MBNL1: variants seen among roughly 807,000 people sequenced by gnomAD.
The protein encoded by MBNL1 is muscleblind like splicing regulator 1.
In MBNL1, 8 loss-of-function variants were observed where a neutral mutation model predicts 42.2. The ratio of observed to expected loss-of-function variants is 0.19; its 90% confidence interval spans 0.11 to 0.34. The LOEUF is 0.34. Ranked by LOEUF, MBNL1 falls within the 10% of genes least tolerant of loss-of-function variation. MBNL1 has a pLI of 1.00. For synonymous variants in MBNL1, 169 were observed against 173.9 expected (o/e 0.97, Z 0.22); for missense variants, 309 against 495.3 (o/e 0.62, Z 3.57).
At chr3:152,368,895 T>C (rs948056729) in intron 2 of MBNL1, among the ~76,000 whole-genome samples, 1 of 152,244 alleles carries the variant, frequency 6.6e-6, no homozygotes, top group Non-Finnish European at 1.5e-5. Context: ...ACTTATCAGC[T>C]TAAGGAAATT....
intron 2 of MBNL1, among the ~76,000 whole-genome samples, chr3:152,248,536 A>G (rs2033705081): frequency 6.6e-6 from 1 of 152,008 alleles, no homozygotes; most frequent in African/African-American, 2.4e-5. Flanking sequence ...ACTTAAGAGT[A>G]AGTCACACAT....
At chr3:152,275,582 G>A (rs1321140651) in intron 1 of MBNL1, among the ~76,000 whole-genome samples, 5 of 151,876 alleles carry the variant, frequency 3.3e-5, no homozygotes, top group Non-Finnish European at 5.9e-5. Flanking sequence ...GGTGGCGCAT[G>A]CCTGTAATCC....
chr3:152,417,078 A>C (rs1579987448), intron 3 of MBNL1, among the ~76,000 whole-genome samples: 2 of 152,362 alleles, frequency 1.3e-5, no homozygotes, highest in East Asian at 3.9e-4. Flanking sequence ...TAATAAGTAC[A>C]GAAATCATTT....
chr3:152,371,554 C>T (rs1224911131), intron 2 of MBNL1, among the ~76,000 whole-genome samples: 1 of 152,152 alleles, frequency 6.6e-6, no homozygotes, highest in Non-Finnish European at 1.5e-5. Flanking sequence ...CGAGATCTTG[C>T]CATCATACTC....
intron 2 of MBNL1, among the ~76,000 whole-genome samples, chr3:152,357,352 C>T (rs376198476): frequency 2.6e-5 from 4 of 152,164 alleles, no homozygotes; most frequent in African/African-American, 9.7e-5. Flanking sequence ...ATTTTCTTAT[C>T]GCTAAAACAA....
intron 3 of MBNL1, among the ~76,000 whole-genome samples, chr3:152,429,720 G>GA (rs2098981077): frequency 1.3e-5 from 2 of 151,844 alleles, no homozygotes; most frequent in South Asian, 2.1e-4. Context: ...GGCGCTCCTT[G>GA]AAAAAACAAT....
intron 3 of MBNL1, among the ~76,000 whole-genome samples, chr3:152,420,223 A>G (rs1322677618): frequency 6.6e-6 from 1 of 152,186 alleles, no homozygotes. Context: ...CCAGCTCTGA[A>G]GAGAGCAGCA....
In MBNL1 at chr3:152,340,365, T is replaced by G. The variant is rs949793743; in HGVS notation, c.174+39998T>G. On this transcript the variant is annotated intron_variant, in intron 2 of 9. Transcript: ENST00000324210. ...GCAAAAACTGAACAATAGTAATCTCTTGTGGTGTATACTTGCCACCTCTGT... is the reference window on the plus strand; with the variant it reads ...GCAAAAACTGAACAATAGTAATCTCGTGTGGTGTATACTTGCCACCTCTGT... The G allele has an allele frequency of 3.8e-5, 29 of 765,426 alleles. No homozygotes were observed. In the African/African-American group the frequency reaches 5.1e-4, roughly 13 times the overall value. The allele number at this position is 765,426 out of a possible 1,614,324, so 47.4% of individuals were successfully genotyped here. A position where few individuals can be genotyped will look rare whatever the true frequency, so the allele number is the denominator to read the frequency against.
intron 1 of MBNL1, among the ~76,000 whole-genome samples, chr3:152,287,878 A>G (rs2053486101): frequency 6.6e-6 from 1 of 152,230 alleles, no homozygotes; most frequent in South Asian, 2.1e-4. Context: ...CAGCTTTTCC[A>G]GAATGCACAG....
intron 1 of MBNL1, among the ~76,000 whole-genome samples, chr3:152,280,392 A>G (rs1030664984): frequency 6.6e-6 from 1 of 152,172 alleles, no homozygotes; most frequent in African/African-American, 2.4e-5. Context: ...ATGTGATTTG[A>G]TATGTACACC....
chr3:152,364,383 A>G (rs1256365888), intron 2 of MBNL1, among the ~76,000 whole-genome samples: 1 of 152,104 alleles, frequency 6.6e-6, no homozygotes, highest in African/African-American at 2.4e-5. Flanking sequence ...CTAGTAAAAC[A>G]CTACATAGTT....
intron 2 of MBNL1, among the ~76,000 whole-genome samples, chr3:152,248,631 T>C (rs916997910): frequency 6.6e-5 from 10 of 152,062 alleles, no homozygotes; most frequent in Admixed American, 2.0e-4. Context: ...AAAATTATTA[T>C]TATACTTCAA....
Position 152,412,842 on chromosome 3 carries a change from A to G in MBNL1, c.175-2099A>G, listed in dbSNP as rs189259527. On this transcript the variant is annotated intron_variant, in intron 2 of 9. Coordinates refer to ENST00000324210, the MANE Select transcript of MBNL1 (RefSeq NM_021038.5). Reference sequence around the variant, plus strand: ...ATCTACTATTTACAGAACTATAGAAACCGATGTGAGTGAATTGATGGGAAG... The same window carrying G: ...ATCTACTATTTACAGAACTATAGAAGCCGATGTGAGTGAATTGATGGGAAG... 2.9e-3 allele frequency among the ~76,000 whole-genome samples: 447 copies of G among 152,270 alleles called. 1 individual carries two copies. The highest frequency in any genetic ancestry group is 5.0e-3 in the Non-Finnish European group (340 of 68,014).
At chr3:152,256,701 C>T (rs1450234028) in intron 2 of MBNL1, among the ~76,000 whole-genome samples, 1 of 152,082 alleles carries the variant, frequency 6.6e-6, no homozygotes, top group Non-Finnish European at 1.5e-5. Flanking sequence ...AGAAAGAATA[C>T]AGAATAGCTT....
chr3:152,446,893 G>T, intron 5 of MBNL1: 1 of 658,386 alleles, frequency 1.5e-6, no homozygotes, highest in Non-Finnish European at 2.5e-6. Flanking sequence ...ACTGAGTGTG[G>T]TTTCCTGACA....
chr3:152,290,196 T>G (rs1200653561), intron 1 of MBNL1, among the ~76,000 whole-genome samples: 1 of 152,080 alleles, frequency 6.6e-6, no homozygotes, highest in Non-Finnish European at 1.5e-5. Flanking sequence ...TCAGATTTAG[T>G]GGGTAGTACT....
chr3:152,296,134 CTT>C (rs1183655354), intron 1 of MBNL1, among the ~76,000 whole-genome samples: 1 of 152,172 alleles, frequency 6.6e-6, no homozygotes, highest in Non-Finnish European at 1.5e-5. Flanking sequence ...GTAGATGACT[CTT>C]TAGATATTTG....
chr3:152,436,461 G>A (rs1426696851), intron 4 of MBNL1, among the ~76,000 whole-genome samples: 2 of 152,204 alleles, frequency 1.3e-5, no homozygotes, highest in East Asian at 3.9e-4. Context: ...TGGATTAAGA[G>A]GAAACTTAAA....
chr3:152,257,875 G>A (rs141822106), intron 2 of MBNL1, among the ~76,000 whole-genome samples: 111 of 152,266 alleles, frequency 7.3e-4, no homozygotes, highest in Middle Eastern at 6.8e-3. Flanking sequence ...CGTTAATGTG[G>A]TAGATACCAT....
Sources: gnomAD v4.1 joint callset for allele counts (sites outside exome capture counted in the v4.1 genomes callset) on GRCh38, gnomAD v4.1.1 for gene constraint, MANE v1.5 for transcripts, NCBI Gene and HGNC (gene_info 2026-07-23, HGNC 2026-07-21) for gene names.